Variants in C10orf53 observed in about 807,000 individuals in gnomAD.
The protein encoded by C10orf53 is UPF0728 protein C10orf53.
In C10orf53, 8 loss-of-function variants were observed where a neutral mutation model predicts 9.4. That is an observed-to-expected ratio of 0.85 (90% CI 0.50 to 1.53). The LOEUF is 1.53. C10orf53 is among the 40% of genes most tolerant of loss of function. The probability of loss-of-function intolerance (pLI) is 0.00; values close to 1 mark genes in which losing one functional copy is unlikely to be tolerated. For synonymous variants in C10orf53, 48 were observed against 46.0 expected (o/e 1.04, Z -0.18); for missense variants, 117 against 117.8 (o/e 0.99, Z 0.03).
intron 1 of C10orf53, among the ~76,000 whole-genome samples, chr10:49,683,560 T>A (rs1349554444): frequency 2.6e-5 from 4 of 152,228 alleles, no homozygotes; most frequent in African/African-American, 4.8e-5. Context: ...TTTCTTATTT[T>A]GCCTGTGATA....
intron 1 of C10orf53, among the ~76,000 whole-genome samples, chr10:49,684,224 T>A (rs143183423): frequency 9.8e-5 from 15 of 152,384 alleles, no homozygotes; most frequent in African/African-American, 3.4e-4. Flanking sequence ...TTTATATGTC[T>A]ATCCTTATGT....
chr10:49,685,950 G>A (rs998748645), intron 1 of C10orf53, among the ~76,000 whole-genome samples: 2 of 152,028 alleles, frequency 1.3e-5, no homozygotes, highest in South Asian at 2.1e-4. Context: ...TTTCTCCTGG[G>A]ACTTTCACTA....
chr10:49,703,870 ATAG>A (rs1233727831), intron 2 of C10orf53, among the ~76,000 whole-genome samples: 1 of 152,260 alleles, frequency 6.6e-6, no homozygotes, highest in African/African-American at 2.4e-5. Context: ...AATATGAACA[ATAG>A]TAGCCAAAAA....
exon 3 of C10orf53, chr10:49,708,425 T>C (rs750514149): frequency 2.4e-5 from 38 of 1,614,008 alleles, no homozygotes; most frequent in Non-Finnish European, 3.1e-5. Context: ...TTCACCAGCT[T>C]AGCAGCCCGT....
rs1840637712 is a variant in C10orf53 at position 49,696,646 on chromosome 10, C to T, written c.*2044C>T. Among the ~76,000 whole-genome samples the T allele has an allele frequency of 6.6e-6, 1 of 152,050 alleles. No individual in the cohort carries two copies. Among genetic ancestry groups the T allele is most frequent in the Non-Finnish European group, 1.5e-5 (1 of 68,036 alleles). The stretch of plus-strand genomic sequence containing the variant: ...ATTCTAAGAAATACCGGAGAAGCTT[C>T]TGGGAGATGCCTGTGCCCAGAGCCC... On this transcript the variant is annotated 3_prime_UTR_variant, in exon 3 of 3. Transcript: ENST00000374111.
At chr10:49,686,558 G>T (rs1361525577) in intron 1 of C10orf53, among the ~76,000 whole-genome samples, 1 of 152,158 alleles carries the variant, frequency 6.6e-6, no homozygotes, top group East Asian at 1.9e-4. Context: ...TTCCCAGCAA[G>T]GAATATTAAT....
At chr10:49,704,676 A>T (rs1260220229) in intron 2 of C10orf53, among the ~76,000 whole-genome samples, 1 of 152,180 alleles carries the variant, frequency 6.6e-6, no homozygotes, top group Non-Finnish European at 1.5e-5. Flanking sequence ...CCCAGGAGGC[A>T]GAGGTTGCAG....
At position 49,691,725 on chromosome 10, in the gene C10orf53, C is replaced by T. The variant is rs536019541; in HGVS notation, c.98-2049C>T. Among the ~76,000 whole-genome samples, 16 of 152,358 alleles carry T rather than the reference C, an allele frequency of 1.1e-4. No individual in the cohort carries two copies. In the South Asian group the frequency reaches 2.7e-3, roughly 26 times the overall value. On this transcript the variant is annotated intron_variant, in intron 1 of 2. Coordinates refer to ENST00000374111, the MANE Select transcript of C10orf53 (RefSeq NM_001042427.3). ...GTCCTCTAAACTCCAAGCTCAGATG[C>T]CACGTGAGGCTCAGTCAGCAGGCCC...
rs1840629474 is a variant in C10orf53, at chr10:49,695,806, C to G, written c.*1204C>G. 1 of 152,200 alleles carries G rather than the reference C, an allele frequency of 6.6e-6. No individual in the cohort carries two copies. The highest frequency in any genetic ancestry group is 1.5e-5 in the Non-Finnish European group (1 of 68,046). 9.4% of individuals were successfully genotyped at this position (152,200 alleles called of 1,614,324 possible). A position where few individuals can be genotyped will look rare whatever the true frequency, so the allele number is the denominator to read the frequency against. ...CTCTATGGAACTATTTAAGCATCTC[C>G]TTACTGAGAAACTGAGGCTCAAAAG... is the stretch of plus-strand genomic sequence containing the variant. On this transcript the variant is annotated 3_prime_UTR_variant, in exon 3 of 3. Coordinates refer to ENST00000374111, the MANE Select transcript of C10orf53 (RefSeq NM_001042427.3).
intron 1 of C10orf53, among the ~76,000 whole-genome samples, chr10:49,693,282 T>C (rs190985142): frequency 6.8e-4 from 104 of 152,332 alleles, no homozygotes; most frequent in African/African-American, 2.5e-3. Context: ...AAAATCTGCC[T>C]GTATTTTTTT....
intron 2 of C10orf53, among the ~76,000 whole-genome samples, chr10:49,703,721 C>T (rs963905182): frequency 6.6e-6 from 1 of 152,162 alleles, no homozygotes; most frequent in African/African-American, 2.4e-5. Flanking sequence ...TAACTCCTTC[C>T]TCCCGCTGGA....
intron 2 of C10orf53, chr10:49,694,163 G>C: frequency 1.7e-6 from 1 of 592,074 alleles, no homozygotes; most frequent in Non-Finnish European, 3.0e-6. Flanking sequence ...GGGATGTGAT[G>C]GAATTAAGGG....
rs747644304 is a variant in C10orf53 at position 49,697,337 on chromosome 10, G to A, written c.*2735G>A. 6.6e-6 allele frequency among the ~76,000 whole-genome samples: 1 copy of A among 152,066 alleles called. No homozygotes were observed. Among genetic ancestry groups the A allele is most frequent in the Non-Finnish European group, 1.5e-5 (1 of 68,032 alleles). On this transcript the variant is annotated 3_prime_UTR_variant, in exon 3 of 3. Coordinates refer to ENST00000374111, the MANE Select transcript of C10orf53 (RefSeq NM_001042427.3). ...TCCTTTGCCTCCCTCTCTCGAGCAC[G>A]CACCTCCCTGCCCAGAAGCAAGAGA...
rs78161653 is a variant in C10orf53, at chr10:49,682,076, G to T, written c.97+2282G>T. 7.6e-3 allele frequency among the ~76,000 whole-genome samples: 1,161 copies of T among 152,200 alleles called. 23 individuals carry two copies. Among genetic ancestry groups the T allele is most frequent in the African/African-American group, 0.026 (1,096 of 41,510 alleles). ...AATCTACCTTTAGTTTATGTTCACT[G>T]TCTCTAAAAATAACGTGGGTAAAAC... On this transcript the variant is annotated intron_variant, in intron 1 of 2. Transcript: ENST00000374111.
intron 1 of C10orf53, among the ~76,000 whole-genome samples, chr10:49,691,918 G>A (rs1012574380): frequency 6.6e-6 from 1 of 152,204 alleles, no homozygotes; most frequent in East Asian, 1.9e-4. Context: ...GTGGAGGTTG[G>A]GGGGTGCGGG....
chr10:49,708,998 G>T, exon 3 of C10orf53: 1 of 213,078 alleles, frequency 4.7e-6, no homozygotes. Flanking sequence ...TTCCTATCTC[G>T]TTACTCTGTC....
chr10:49,686,045 G>T (rs1840525299), intron 1 of C10orf53, among the ~76,000 whole-genome samples: 1 of 152,116 alleles, frequency 6.6e-6, no homozygotes, highest in Non-Finnish European at 1.5e-5. Context: ...CTACTCCTCA[G>T]ACTGGGTTGT....
intron 1 of C10orf53, among the ~76,000 whole-genome samples, chr10:49,693,182 C>T (rs1326992088): frequency 3.3e-5 from 5 of 152,172 alleles, no homozygotes; most frequent in South Asian, 2.1e-4. Flanking sequence ...GACATTCCAC[C>T]GTTTATTTGG....
rs980331419 is a variant in C10orf53 at position 49,682,944 on chromosome 10, A to G, written c.97+3150A>G. Among the ~76,000 whole-genome samples the G allele has an allele frequency of 5.9e-5, 9 of 152,270 alleles. No homozygotes were observed. In the South Asian group the frequency reaches 1.9e-3, roughly 32 times the overall value. On this transcript the variant is annotated intron_variant, in intron 1 of 2. Transcript: ENST00000374111. ...ACTACTTTATTCCTTTTTGTGGCAG[A>G]TATGCCATATTTTGTTTATCTGTTT...
Sources: gnomAD v4.1 joint callset for allele counts (sites outside exome capture counted in the v4.1 genomes callset) on GRCh38, gnomAD v4.1.1 for gene constraint, MANE v1.5 for transcripts, NCBI Gene and HGNC (gene_info 2026-07-23, HGNC 2026-07-21) for gene names.